Variants in RAP1GAP2 observed in about 807,000 individuals in gnomAD.
RAP1GAP2 encodes rap1 GTPase-activating protein 2.
A neutral mutation model predicts 95.0 loss-of-function variants in RAP1GAP2; 27 were observed. That is an observed-to-expected ratio of 0.28 (90% CI 0.21 to 0.39). The LOEUF is 0.39. RAP1GAP2 is among the 10% of genes least tolerant of loss of function. The pLI, the probability that RAP1GAP2 is intolerant of heterozygous loss-of-function variation, is 1.00. For synonymous variants in RAP1GAP2, 373 were observed against 380.9 expected (o/e 0.98, Z 0.24); for missense variants, 771 against 970.0 (o/e 0.79, Z 2.72).
Position 2,965,869 on chromosome 17 carries a change from C to A in RAP1GAP2, c.596+226C>A. 1 of 559,298 alleles carries A rather than the reference C, an allele frequency of 1.8e-6. No homozygotes were observed. The highest frequency in any genetic ancestry group is 3.2e-6 in the Non-Finnish European group (1 of 312,670). The allele number at this position is 559,298 out of a possible 1,614,324, so 34.6% of individuals were successfully genotyped here. A position where few individuals can be genotyped will look rare whatever the true frequency, so the allele number is the denominator to read the frequency against. ...CTGACAGTCAGAGGGGCATCCAGGT[C>A]TCAAGGTCACCCAGACTGTACCCCT... On this transcript the variant is annotated intron_variant, in intron 8 of 24. Transcript: ENST00000254695. The surrounding 1 kb of genome is among the most constrained non-coding windows in gnomAD (Gnocchi z 4.7).
chr17:2,953,740 C>T (rs192637258), intron 3 of RAP1GAP2, among the ~76,000 whole-genome samples: 169 of 152,038 alleles, frequency 1.1e-3, no homozygotes, highest in Middle Eastern at 3.4e-3. Flanking sequence ...CCAGCTACTC[C>T]GGAGGCTGAG....
rs1437212066 is a variant in RAP1GAP2 at position 2,855,285 on chromosome 17, G to A, written c.81-49999G>A. Among the ~76,000 whole-genome samples, 1 of 152,224 alleles carries A rather than the reference G, an allele frequency of 6.6e-6. No homozygotes were observed. The highest frequency in any genetic ancestry group is 1.5e-5 in the Non-Finnish European group (1 of 68,040). On this transcript the variant is annotated intron_variant, in intron 2 of 24. Transcript: ENST00000254695. This position sits in a 1 kb window ranked among gnomAD's most constrained non-coding sequence, Gnocchi z 4.3. The stretch of plus-strand genomic sequence containing the variant: ...GAAATAACATTGAGTCACCTAGTGA[G>A]AAAGTTCTTCCCTTTTCAGTTCTCT...
intron 2 of RAP1GAP2, among the ~76,000 whole-genome samples, chr17:2,895,701 C>A (rs547064720): frequency 2.0e-5 from 3 of 151,976 alleles, no homozygotes; most frequent in Non-Finnish European, 4.4e-5. Flanking sequence ...CTCAGCCTCC[C>A]GAGTAGCTGG....
At chr17:2,803,162 A>G (rs1173533724) in intron 2 of RAP1GAP2, among the ~76,000 whole-genome samples, 1 of 152,138 alleles carries the variant, frequency 6.6e-6, no homozygotes, top group African/African-American at 2.4e-5. Flanking sequence ...TGCACCAGTT[A>G]TAGGGTAGAG....
At chr17:2,808,582 C>T (rs750827155) in intron 2 of RAP1GAP2, among the ~76,000 whole-genome samples, 4 of 152,194 alleles carry the variant, frequency 2.6e-5, no homozygotes, top group Non-Finnish European at 5.9e-5. Context: ...GCTGGCCCGG[C>T]TCGGCTCCTG....
chr17:2,806,547 C>T (rs998970947), intron 2 of RAP1GAP2, among the ~76,000 whole-genome samples: 6 of 150,754 alleles, frequency 4.0e-5, no homozygotes, highest in African/African-American at 1.2e-4. Flanking sequence ...TGCGGCCCAC[C>T]GTGCCCGGCT....
At chr17:2,893,645 G>A (rs991994990) in intron 2 of RAP1GAP2, among the ~76,000 whole-genome samples, 1 of 152,250 alleles carries the variant, frequency 6.6e-6, no homozygotes, top group Non-Finnish European at 1.5e-5. Flanking sequence ...TTTGTGAGTG[G>A]TTTCTGAAGC....
intron 14 of RAP1GAP2, among the ~76,000 whole-genome samples, chr17:3,000,434 G>T (rs996585824): frequency 6.6e-6 from 1 of 150,432 alleles, no homozygotes; most frequent in East Asian, 1.9e-4. Flanking sequence ...TGATGCCGGA[G>T]AAGGGGCAGA....
At position 2,904,385 on chromosome 17, in the gene RAP1GAP2, A is replaced by G. The variant is rs1395081000; in HGVS notation, c.81-899A>G. 6.6e-6 allele frequency among the ~76,000 whole-genome samples: 1 copy of G among 152,164 alleles called. No homozygotes were observed. The highest frequency in any genetic ancestry group is 1.5e-5 in the Non-Finnish European group (1 of 68,036). Reference sequence around the variant, plus strand: ...AAGTGGGGAGTGTGTGAGCGCGGCAAACTTGTCGCAGTCATGTTGCCATGG... The same window carrying G: ...AAGTGGGGAGTGTGTGAGCGCGGCAGACTTGTCGCAGTCATGTTGCCATGG... On this transcript the variant is annotated intron_variant, in intron 2 of 24. Coordinates refer to ENST00000254695, the MANE Select transcript of RAP1GAP2 (RefSeq NM_015085.5). This position sits in a 1 kb window ranked among gnomAD's most constrained non-coding sequence, Gnocchi z 4.7.
intron 3 of RAP1GAP2, among the ~76,000 whole-genome samples, chr17:2,956,000 C>T (rs897818509): frequency 2.0e-5 from 3 of 152,178 alleles, no homozygotes; most frequent in Non-Finnish European, 4.4e-5. Flanking sequence ...CGTGGAATCG[C>T]GTGTCAGAGG....
Position 2,950,906 on chromosome 17 carries a change from C to A in RAP1GAP2, c.166-6853C>A, listed in dbSNP as rs541592348. Among the ~76,000 whole-genome samples, 40 of 152,278 alleles carry A rather than the reference C, an allele frequency of 2.6e-4. No individual in the cohort carries two copies. In the South Asian group the frequency reaches 8.1e-3, roughly 31 times the overall value. ...GATTATAGGCGTGAGCCACCGCGCC[C>A]GGCCTGCTTCAATTTTCAGGTGAGG... On this transcript the variant is annotated intron_variant, in intron 3 of 24. Coordinates refer to ENST00000254695, the MANE Select transcript of RAP1GAP2 (RefSeq NM_015085.5).
rs1555575129 is a variant in RAP1GAP2, at chr17:2,950,061, C to CTTCTTCTTCTTT, written c.166-7696_166-7695insCTTCTTCTTTTT. Among the ~76,000 whole-genome samples, 1,307 of 141,256 alleles carry CTTCTTCTTCTTT rather than the reference C, an allele frequency of 9.3e-3. 2 individuals carry two copies. Among genetic ancestry groups the CTTCTTCTTCTTT allele is most frequent in the Non-Finnish European group, 0.014 (897 of 66,262 alleles). 92.7% of individuals were successfully genotyped at this position (141,256 alleles called of 152,430 possible). On this transcript the variant is annotated intron_variant, in intron 3 of 24. Transcript: ENST00000254695. ...TTCTTTTCTTCTTCTTCTTCTTCTT[C>CTTCTTCTTCTTT]TTTTTTTTTTGAGATGGAGTCTTGC...
chr17:2,984,919 T>C (rs1319386928), intron 10 of RAP1GAP2, 64 bp from the exon 11 acceptor site: 7 of 1,593,716 alleles, frequency 4.4e-6, no homozygotes, highest in Non-Finnish European at 6.0e-6. Flanking sequence ...CCCTGCCATG[T>C]GCTTCCTCAC....
rs528529579 is a variant in RAP1GAP2 at position 2,991,606 on chromosome 17, C to A, written c.914+209C>A. On this transcript the variant is annotated intron_variant, in intron 12 of 24. Coordinates refer to ENST00000254695, the MANE Select transcript of RAP1GAP2 (RefSeq NM_015085.5). The stretch of plus-strand genomic sequence containing the variant: ...TGGCAGATTCCCCTGAAGGCGTTCA[C>A]GTTCGGCCCTGGGCCCCGCCCCAGA... Among the ~76,000 whole-genome samples, 398 of 152,312 alleles carry A rather than the reference C, an allele frequency of 2.6e-3. 1 individual carries two copies. The highest frequency in any genetic ancestry group is 0.01 in the Middle Eastern group (3 of 294).
At chr17:2,982,223 T>G (rs1038706159) in intron 10 of RAP1GAP2, among the ~76,000 whole-genome samples, 1 of 152,208 alleles carries the variant, frequency 6.6e-6, no homozygotes, top group African/African-American at 2.4e-5. Context: ...CACTGCAACC[T>G]GCACCTCCTG....
chr17:2,788,004 T>C (rs1449261035), intron 1 of RAP1GAP2, among the ~76,000 whole-genome samples: 3 of 152,252 alleles, frequency 2.0e-5, no homozygotes, highest in African/African-American at 7.2e-5. Flanking sequence ...CCTCAGTTGA[T>C]GATCATTTAG....
At chr17:2,899,331 C>T (rs562015530) in intron 2 of RAP1GAP2, among the ~76,000 whole-genome samples, 5 of 151,640 alleles carry the variant, frequency 3.3e-5, no homozygotes, top group South Asian at 2.1e-4. Flanking sequence ...CTCAGCCTCT[C>T]GAGTAGCTGG....
rs369196932 is a variant in RAP1GAP2 at position 2,845,873 on chromosome 17, TAAAATA to T, written c.80+45327_80+45332del. Among the ~76,000 whole-genome samples, 787 of 147,960 alleles carry T rather than the reference TAAAATA, an allele frequency of 5.3e-3. 6 individuals carry two copies. The highest frequency in any genetic ancestry group is 0.019 in the African/African-American group (760 of 39,764). On this transcript the variant is annotated intron_variant, in intron 2 of 24. Transcript: ENST00000254695. ...GAGGCTCTGTCTTAAAATAAATAAA[TAAAATA>T]AAATAAAATAAAATTTCTTATCAGC...
At chr17:3,015,266 C>A (rs979494150) in intron 17 of RAP1GAP2, among the ~76,000 whole-genome samples, 2 of 152,072 alleles carry the variant, frequency 1.3e-5, no homozygotes, top group African/African-American at 4.8e-5. Context: ...GATGCCCGAT[C>A]AAATCAGGGG....
Sources: gnomAD v4.1 joint callset for allele counts (sites outside exome capture counted in the v4.1 genomes callset) on GRCh38, gnomAD v4.1.1 for gene constraint, Gnocchi (gnomAD v3.1) non-coding constraint, MANE v1.5 for transcripts, NCBI Gene and HGNC (gene_info 2026-07-23, HGNC 2026-07-21) for gene names.